Variants in ANAPC4 observed in about 807,000 individuals in gnomAD.
ANAPC4 encodes the protein anaphase promoting complex subunit 4, also known as anaphase-promoting complex subunit 4.
In ANAPC4, 63 loss-of-function variants were observed where a neutral mutation model predicts 119.8. The ratio of observed to expected loss-of-function variants is 0.53; its 90% CI spans 0.43 to 0.65. The LOEUF (loss-of-function observed/expected upper bound fraction) is 0.65. Among genes scored for constraint, ANAPC4 ranks in the 30% least tolerant of loss-of-function variants. ANAPC4 has a pLI of 0.00. For missense variants in ANAPC4, 716 were observed against 945.1 expected, an observed-to-expected ratio of 0.76 and a Z score of 3.18; for synonymous variants, 283 against 318.6, an observed-to-expected ratio of 0.89 and a Z score of 1.19.
At chr4:25,413,805 C>G in intron 22 of ANAPC4, 63 bp downstream of exon 22, 1 of 1,232,408 alleles carries the variant, frequency 8.1e-7, no homozygotes, top group Non-Finnish European at 1.2e-6. Context: ...ATGTGGCTCA[C>G]TTATGTAAAT....
Position 25,407,267 on chromosome 4 carries a change from A to C in ANAPC4, c.1431+14A>C. 6.3e-7 allele frequency: 1 copy of C among 1,592,112 alleles called. No homozygotes were observed. Among genetic ancestry groups the C allele is most frequent in the Non-Finnish European group, 8.5e-7 (1 of 1,171,868 alleles). Reference sequence around the variant, plus strand: ...AGAGTTGGTCAGGTATGGGCTTTGAACTCATTTTAAAACCTTAGCAGTGTT... The same window carrying C: ...AGAGTTGGTCAGGTATGGGCTTTGACCTCATTTTAAAACCTTAGCAGTGTT... On this transcript the variant is annotated intron_variant, in intron 20 of 28. Coordinates refer to ENST00000315368, the MANE Select transcript of ANAPC4 (RefSeq NM_013367.3).
intron 14 of ANAPC4, 126 bp from the exon 15 acceptor site, chr4:25,396,538 T>G: frequency 1.4e-6 from 1 of 732,414 alleles, no homozygotes; most frequent in Non-Finnish European, 2.2e-6. Flanking sequence ...GAGAAATAAT[T>G]ATTTCTCATG....
intron 4 of ANAPC4, among the ~76,000 whole-genome samples, chr4:25,385,085 A>G (rs962214389): frequency 6.6e-6 from 1 of 152,188 alleles, no homozygotes; most frequent in African/African-American, 2.4e-5. Context: ...TAGATTTAGC[A>G]TAATTGTTAA....
intron 25 of ANAPC4, 24 bp from the exon 26 acceptor site, chr4:25,415,440 CTT>C: frequency 6.3e-7 from 1 of 1,591,304 alleles, no homozygotes; most frequent in Non-Finnish European, 8.6e-7. Context: ...CACAGAGTCT[CTT>C]TTTTTCCCCC....
chr4:25,378,807 G>A (rs1380049157), intron 2 of ANAPC4, among the ~76,000 whole-genome samples: 3 of 152,214 alleles, frequency 2.0e-5, no homozygotes, highest in Non-Finnish European at 4.4e-5. Flanking sequence ...GTTGAATAAG[G>A]TTGTATGTGT....
In ANAPC4 at chr4:25,418,443, A is replaced by G; in HGVS notation, c.*61A>G. ...AAAAGGACATAGGAGATGGACTAAGATGTCTTGGACCACCTTTGTGTAACA... is the reference window on the plus strand; with the variant it reads ...AAAAGGACATAGGAGATGGACTAAGGTGTCTTGGACCACCTTTGTGTAACA... On this transcript the variant is annotated 3_prime_UTR_variant, in exon 29 of 29. Coordinates refer to ENST00000315368, the MANE Select transcript of ANAPC4 (RefSeq NM_013367.3). 2 of 1,439,754 alleles carry G rather than the reference A, an allele frequency of 1.4e-6. No individual in the cohort carries two copies. Among genetic ancestry groups the G allele is most frequent in the Non-Finnish European group, 1.9e-6 (2 of 1,036,762 alleles). The allele number at this position is 1,439,754 out of a possible 1,614,324, so 89.2% of individuals were successfully genotyped here.
At position 25,407,181 on chromosome 4, in the gene ANAPC4, G is replaced by A. The variant is rs765721953; in HGVS notation, c.1375-16G>A. The A allele has an allele frequency of 6.3e-7, 1 of 1,585,448 alleles. No homozygotes were observed. Among genetic ancestry groups the A allele is most frequent in the Admixed American group, 1.9e-5 (1 of 53,668 alleles). ...TGAGTTGACTTAAGAATTAAACTAT[G>A]TTTATTTTTTTCCAGGCTCCAGACC... On this transcript the variant is annotated splice_polypyrimidine_tract_variant and intron_variant, in intron 19 of 28. Transcript: ENST00000315368.
At chr4:25,402,123 T>C (rs1723012722) in intron 16 of ANAPC4, among the ~76,000 whole-genome samples, 1 of 152,164 alleles carries the variant, frequency 6.6e-6, no homozygotes, top group Non-Finnish European at 1.5e-5. Flanking sequence ...CTCTTATCAT[T>C]GCTGCAAGAG....
At position 25,391,016 on chromosome 4, in the gene ANAPC4, G is replaced by A. The variant is rs759201782; in HGVS notation, c.705+1G>A. Reference sequence around the variant, plus strand: ...TGCTTCAGAAGTTTCATACTTTCAGGTGAGTATTGGAACTTGATAACGGTA... The same window carrying A: ...TGCTTCAGAAGTTTCATACTTTCAGATGAGTATTGGAACTTGATAACGGTA... On this transcript the variant is annotated splice_donor_variant, in intron 9 of 28. Transcript: ENST00000315368. LOFTEE classifies it high-confidence loss of function. 3 of 1,596,334 alleles carry A rather than the reference G, an allele frequency of 1.9e-6. No individual in the cohort carries two copies. The highest frequency in any genetic ancestry group is 2.6e-6 in the Non-Finnish European group (3 of 1,164,280).
intron 3 of ANAPC4, among the ~76,000 whole-genome samples, chr4:25,382,125 C>G (rs983869448): frequency 2.0e-5 from 3 of 151,160 alleles, no homozygotes; most frequent in East Asian, 1.9e-4. Context: ...TTTTTTTTCC[C>G]CCCCCTCACT....
At chr4:25,384,723 C>G (rs1361458439) in intron 4 of ANAPC4, among the ~76,000 whole-genome samples, 1 of 151,770 alleles carries the variant, frequency 6.6e-6, no homozygotes, top group East Asian at 1.9e-4. Context: ...GATCACCTGA[C>G]CCTAAGGAGG....
At chr4:25,400,113 A>G (rs9993416) in intron 16 of ANAPC4, among the ~76,000 whole-genome samples, 61,877 of 152,146 alleles carry the variant, frequency 0.41, 14,629 homozygotes, top group Non-Finnish European at 0.52. Context: ...AAGACAGCAA[A>G]TATAGCCTCT....
At chr4:25,387,183 G>A (rs751042308) in intron 4 of ANAPC4, among the ~76,000 whole-genome samples, 33 of 152,104 alleles carry the variant, frequency 2.2e-4, no homozygotes, top group Non-Finnish European at 4.0e-4. Flanking sequence ...AGTGTGTGTA[G>A]TCAAGTAATA....
chr4:25,409,638 C>T, intron 20 of ANAPC4, 60 bp from the exon 21 acceptor site: 17 of 1,300,016 alleles, frequency 1.3e-5, no homozygotes, highest in Admixed American at 6.4e-5. Flanking sequence ...TACTTTTTTT[C>T]TTTTTCCATT....
intron 20 of ANAPC4, among the ~76,000 whole-genome samples, chr4:25,409,316 T>C (rs1404460238): frequency 1.3e-5 from 2 of 152,258 alleles, no homozygotes; most frequent in East Asian, 3.8e-4. Flanking sequence ...GTTCGATTTG[T>C]GATCTCTACA....
At chr4:25,381,940 T>A (rs917237754) in intron 3 of ANAPC4, among the ~76,000 whole-genome samples, 3 of 89,448 alleles carry the variant, frequency 3.4e-5, no homozygotes, top group Admixed American at 3.2e-4. Context: ...AGAGTGAGAC[T>A]CCGTCTCAAA....
At chr4:25,401,286 T>G (rs1254436959) in intron 16 of ANAPC4, among the ~76,000 whole-genome samples, 2 of 151,692 alleles carry the variant, frequency 1.3e-5, no homozygotes, top group African/African-American at 4.9e-5. Context: ...TTGGAATCTG[T>G]GTAGGTTGGG....
intron 14 of ANAPC4, among the ~76,000 whole-genome samples, chr4:25,396,192 A>G (rs2109125466): frequency 6.6e-6 from 1 of 152,260 alleles, no homozygotes; most frequent in South Asian, 2.1e-4. Context: ...CCTTCAAGGC[A>G]TTTATAGTAG....
At chr4:25,414,532 A>C (rs544958240) in intron 24 of ANAPC4, 28 bp downstream of exon 24, 1 of 1,587,570 alleles carries the variant, frequency 6.3e-7, no homozygotes, top group Non-Finnish European at 8.6e-7. Flanking sequence ...CCCTATCTTG[A>C]GTGAACAATA....
Sources: allele counts gnomAD v4.1 joint callset (sites outside exome capture counted in the v4.1 genomes callset), GRCh38; gene constraint gnomAD v4.1.1; transcripts MANE v1.5; gene names NCBI Gene and HGNC (gene_info 2026-07-23, HGNC 2026-07-21).